HEATR5B: variants seen among roughly 807,000 people sequenced by gnomAD.
HEATR5B encodes the protein HEAT repeat-containing protein 5B.
HEATR5B carries 156 observed loss-of-function variants against 224.1 expected under a neutral mutation model. The observed-to-expected ratio is 0.70, with a 90% CI of 0.61 to 0.80. The LOEUF is 0.80. HEATR5B is among the 30% of genes least tolerant of loss of function. The probability of loss-of-function intolerance (pLI) is 0.00; values close to 1 mark genes in which losing one functional copy is unlikely to be tolerated. For synonymous variants in HEATR5B, 1,027 were observed against 893.0 expected (o/e 1.15, Z -2.68); for missense variants, 2,323 against 2,535.5 (o/e 0.92, Z 1.80).
chr2:37,013,841 C>T lies in HEATR5B; in HGVS notation c.4284G>A (p.Glu1428=). 6.4e-7 allele frequency: 1 copy of T among 1,573,312 alleles called. No individual in the cohort carries two copies. Residue 1428 remains glutamate, a splice_region_variant and synonymous_variant, in exon 27 of 36, where the codon GAG becomes GAA. Coordinates refer to ENST00000233099, the MANE Select transcript of HEATR5B (RefSeq NM_019024.3). ...CAATAGATTGTGGTTTAGTCGTTAC[C>T]TCTGCCCAAGCTTTGAGAACAGCCA... ...EKLAVLKAWA[E]VYVVAMNIKK...
chr2:37,020,750 C>T lies in HEATR5B; in HGVS notation c.3940G>A (p.Gly1314Arg). Residue 1314 changes from glycine to arginine, a missense_variant, in exon 25 of 36, where the codon GGG becomes AGG. Gly to Arg is a moderately radical substitution (Grantham distance 125). Around this residue, in one of 12 missense-constraint regions of HEATR5B, gnomAD observed 339 missense variants for 378.4 expected, o/e 0.90. Transcript: ENST00000233099. ...TDHSNQLRMA[G>R]LQALEDIIKK... Reference sequence around the variant, plus strand: ...ATAATGTCTTCAAGCGCCTGGAGCCCAGCCATTCGCAGCTGGTTGCTATGA... The same window carrying T: ...ATAATGTCTTCAAGCGCCTGGAGCCTAGCCATTCGCAGCTGGTTGCTATGA... 6.2e-7 allele frequency: 1 copy of T among 1,610,162 alleles called. No homozygotes were observed. The highest frequency in any genetic ancestry group is 8.5e-7 in the Non-Finnish European group (1 of 1,179,278).
intron 35 of HEATR5B, among the ~76,000 whole-genome samples, chr2:36,982,222 G>T (rs532793747): frequency 6.6e-6 from 1 of 152,084 alleles, no homozygotes; most frequent in East Asian, 1.9e-4. Context: ...TCCTCTTTAA[G>T]TAGAAATACA....
chr2:37,077,364 A>G (rs950916263), intron 3 of HEATR5B, among the ~76,000 whole-genome samples: 5 of 151,850 alleles, frequency 3.3e-5, no homozygotes, highest in Non-Finnish European at 7.4e-5. Context: ...GCTGGAGTGC[A>G]GTGGTGTGGT....
intron 5 of HEATR5B, among the ~76,000 whole-genome samples, chr2:37,072,936 T>G (rs1490057737): frequency 6.6e-6 from 1 of 152,184 alleles, no homozygotes; most frequent in Non-Finnish European, 1.5e-5. Context: ...AATAGCCCAG[T>G]ATCTATGTTA....
intron 21 of HEATR5B, among the ~76,000 whole-genome samples, chr2:37,035,270 G>C (rs532296599): frequency 2.7e-4 from 41 of 152,302 alleles, no homozygotes; most frequent in Admixed American, 9.8e-4. Context: ...TGATATTAGA[G>C]TTGTAAAGTA....
intron 33 of HEATR5B, among the ~76,000 whole-genome samples, chr2:36,996,294 T>C (rs13382546): frequency 1.3e-4 from 20 of 151,790 alleles, no homozygotes; most frequent in East Asian, 9.8e-4. Context: ...CTCCTGCCCT[T>C]GTGATTTGCC....
chr2:37,032,021 T>C (rs1448307851), intron 22 of HEATR5B, among the ~76,000 whole-genome samples: 7 of 152,148 alleles, frequency 4.6e-5, no homozygotes, highest in African/African-American at 1.4e-4. Context: ...GATCATCCTT[T>C]TGCTACCAAA....
At chr2:37,036,296 T>C (rs768676741) in intron 21 of HEATR5B, among the ~76,000 whole-genome samples, 26 of 152,218 alleles carry the variant, frequency 1.7e-4, no homozygotes, top group Non-Finnish European at 1.2e-4. Context: ...TGGTTAGTTG[T>C]CCAGTCTCAT....
At chr2:37,010,909 C>CA (rs747187290) in intron 27 of HEATR5B, among the ~76,000 whole-genome samples, 1,409 of 120,142 alleles carry the variant, frequency 0.012, 11 homozygotes, top group African/African-American at 0.029. Flanking sequence ...GGACTGGAAG[C>CA]AAAAAAAAAA....
At chr2:37,041,518 G>A (rs552738874) in intron 18 of HEATR5B, among the ~76,000 whole-genome samples, 162 of 152,106 alleles carry the variant, frequency 1.1e-3, no homozygotes, top group Non-Finnish European at 1.8e-3. Flanking sequence ...GGCTGAGGCC[G>A]GTGGATCACT....
intron 34 of HEATR5B, 79 bp downstream of exon 34, chr2:36,990,569 C>T: frequency 7.9e-7 from 1 of 1,269,536 alleles, no homozygotes; most frequent in Non-Finnish European, 1.1e-6. Context: ...TTATGTATCA[C>T]ATATTTTAAT....
At chr2:37,029,108 T>C (rs1668959476) in intron 22 of HEATR5B, among the ~76,000 whole-genome samples, 188 bp from the exon 23 acceptor site, 1 of 152,196 alleles carries the variant, frequency 6.6e-6, no homozygotes, top group Admixed American at 6.5e-5. Flanking sequence ...GCAATTAGAG[T>C]AATACCTCGA....
At chr2:36,989,986 C>A (rs1666216703) in intron 34 of HEATR5B, among the ~76,000 whole-genome samples, 1 of 144,264 alleles carries the variant, frequency 6.9e-6, no homozygotes, top group Non-Finnish European at 1.5e-5. Context: ...TCAACTCACT[C>A]CACCTCCTGG....
intron 6 of HEATR5B, 76 bp downstream of exon 6, chr2:37,072,033 AT>A: frequency 8.6e-7 from 1 of 1,168,174 alleles, no homozygotes; most frequent in Middle Eastern, 2.1e-4. Context: ...AAAAATTTAA[AT>A]CCATTACACT....
chr2:37,070,392 C>T lies in HEATR5B; in HGVS notation c.770-5G>A, dbSNP rs1378767537. On this transcript the variant is annotated splice_region_variant and splice_polypyrimidine_tract_variant and intron_variant, in intron 6 of 35. Coordinates refer to ENST00000233099, the MANE Select transcript of HEATR5B (RefSeq NM_019024.3). Reference sequence around the variant, plus strand: ...GCTTCACATTCTGACGCATTACTTTCAAGAAGAAAAATTAAAGTATAAGCA... The same window carrying T: ...GCTTCACATTCTGACGCATTACTTTTAAGAAGAAAAATTAAAGTATAAGCA... The T allele has an allele frequency of 2.5e-6, 4 of 1,609,224 alleles. No individual in the cohort carries two copies. Among genetic ancestry groups the T allele is most frequent in the Non-Finnish European group, 8.5e-7 (1 of 1,177,194 alleles).
At chr2:37,018,608 A>G (rs1005727158) in intron 26 of HEATR5B, among the ~76,000 whole-genome samples, 1 of 152,218 alleles carries the variant, frequency 6.6e-6, no homozygotes. Flanking sequence ...CAGAGAGGAT[A>G]AAGTCAGAAT....
At chr2:36,998,550 C>T (rs1401111208) in intron 33 of HEATR5B, among the ~76,000 whole-genome samples, 1 of 152,164 alleles carries the variant, frequency 6.6e-6, no homozygotes. Context: ...CCTAGAAAAT[C>T]TCTCACAGCA....
intron 35 of HEATR5B, among the ~76,000 whole-genome samples, chr2:36,984,229 T>C (rs1225735777): frequency 2.2e-5 from 2 of 89,602 alleles, no homozygotes; most frequent in Non-Finnish European, 4.6e-5. Flanking sequence ...TATATATATA[T>C]ATATATATAA....
intron 19 of HEATR5B, chr2:37,040,907 A>G: frequency 2.0e-6 from 1 of 488,614 alleles, no homozygotes; most frequent in Non-Finnish European, 3.6e-6. Flanking sequence ...ATACACAATA[A>G]AAAGAAAATA....
Sources: gnomAD v4.1 joint callset for allele counts (sites outside exome capture counted in the v4.1 genomes callset) on GRCh38, gnomAD v4.1.1 for gene constraint, gnomAD v4.1.1 regional missense constraint, MANE v1.5 for transcripts, NCBI Gene and HGNC (gene_info 2026-07-23, HGNC 2026-07-21) for gene names.